DLC1: variants seen among roughly 807,000 people sequenced by gnomAD.
DLC1 encodes the protein DLC1 Rho GTPase activating protein.
A neutral mutation model predicts 140.3 loss-of-function variants in DLC1; 54 were observed. The observed-to-expected ratio is 0.38, with a 90% CI of 0.31 to 0.48. The LOEUF is 0.48. Among genes scored for constraint, DLC1 ranks in the 20% least tolerant of loss-of-function variants. The pLI is 0.96. For missense variants in DLC1, 2,536 were observed against 1,907.0 expected (o/e 1.33, Z -6.14); for synonymous variants, 986 against 728.1 (o/e 1.35, Z -5.70).
chr8:13,421,536 C>A (rs1163337975), intron 2 of DLC1, among the ~76,000 whole-genome samples: 3 of 152,120 alleles, frequency 2.0e-5, no homozygotes, highest in African/African-American at 4.8e-5. Context: ...AGGACATTTT[C>A]TGTTTAATGG....
At chr8:13,556,201 T>G (rs150029936) in intron 1 of DLC1, among the ~76,000 whole-genome samples, 4 of 152,162 alleles carry the variant, frequency 2.6e-5, no homozygotes, top group African/African-American at 9.7e-5. Flanking sequence ...TGCTTTATGA[T>G]GCAAATTCTG....
chr8:13,163,881 C>T (rs563346635), intron 5 of DLC1, among the ~76,000 whole-genome samples: 1 of 152,162 alleles, frequency 6.6e-6, no homozygotes, highest in South Asian at 2.1e-4. Context: ...GTGATGCATG[C>T]CCAGTCCGGG....
At chr8:13,371,247 G>A (rs997616310) in intron 4 of DLC1, among the ~76,000 whole-genome samples, 4 of 151,794 alleles carry the variant, frequency 2.6e-5, no homozygotes, top group East Asian at 1.9e-4. Flanking sequence ...CCTCAGTTTC[G>A]GCGTCATCAT....
chr8:13,501,434 A>G (rs1382561820), intron 1 of DLC1, among the ~76,000 whole-genome samples: 1 of 152,220 alleles, frequency 6.6e-6, no homozygotes, highest in Non-Finnish European at 1.5e-5. Context: ...CCATTCACAG[A>G]GCAGACACTT....
intron 5 of DLC1, among the ~76,000 whole-genome samples, chr8:13,274,766 T>C (rs901331020): frequency 2.1e-4 from 32 of 152,184 alleles, no homozygotes; most frequent in African/African-American, 7.7e-4. Flanking sequence ...AATTAAAACA[T>C]TAAACCACAA....
chr8:13,529,575 A>G (rs1236857816), intron 1 of DLC1, among the ~76,000 whole-genome samples: 1 of 152,180 alleles, frequency 6.6e-6, no homozygotes, highest in Non-Finnish European at 1.5e-5. Context: ...GTAAAGGAGA[A>G]TACTTAGAAA....
At chr8:13,541,860 A>G (rs992957252) in intron 1 of DLC1, among the ~76,000 whole-genome samples, 1 of 152,084 alleles carries the variant, frequency 6.6e-6, no homozygotes, top group South Asian at 2.1e-4. Context: ...ATTTATTTGA[A>G]GTTTATGTAT....
At chr8:13,582,699 T>TA (rs1423508596) in intron 1 of DLC1, among the ~76,000 whole-genome samples, 5 of 151,106 alleles carry the variant, frequency 3.3e-5, no homozygotes, top group Non-Finnish European at 7.4e-5. Flanking sequence ...TATATATATA[T>TA]TTTTTCCATT....
intron 1 of DLC1, among the ~76,000 whole-genome samples, chr8:13,542,341 T>G (rs1330866691): frequency 6.6e-6 from 1 of 152,234 alleles, no homozygotes; most frequent in Admixed American, 6.5e-5. Context: ...TGCATTTTGC[T>G]GACATTAAAT....
intron 1 of DLC1, among the ~76,000 whole-genome samples, chr8:13,562,032 A>G (rs906313450): frequency 6.6e-6 from 1 of 152,184 alleles, no homozygotes; most frequent in African/African-American, 2.4e-5. Flanking sequence ...GGTTGAAGGT[A>G]TGCCAAAAAA....
chr8:13,239,189 G>C (rs116769920), intron 5 of DLC1, among the ~76,000 whole-genome samples: 2,526 of 152,218 alleles, frequency 0.017, 76 homozygotes, highest in African/African-American at 0.058. Context: ...GCTCACTGTG[G>C]AGAATCAACA....
At chr8:13,219,588 C>T (rs1332038941) in intron 5 of DLC1, among the ~76,000 whole-genome samples, 2 of 151,528 alleles carry the variant, frequency 1.3e-5, no homozygotes, top group African/African-American at 4.8e-5. Flanking sequence ...CCTTCGTGCT[C>T]AGAAGCCCAC....
chr8:13,151,236 T>C (rs1823785901), intron 5 of DLC1, among the ~76,000 whole-genome samples: 1 of 152,214 alleles, frequency 6.6e-6, no homozygotes, highest in African/African-American at 2.4e-5. Context: ...CCTCACTCTG[T>C]CAATTTAATG....
chr8:13,560,430 C>A (rs78543035), intron 1 of DLC1, among the ~76,000 whole-genome samples: 8,150 of 150,942 alleles, frequency 0.054, 317 homozygotes, highest in Non-Finnish European at 0.081. Context: ...ACAAGGCCCC[C>A]ACAGATGTTC....
At chr8:13,327,875 AC>A (rs1477390204) in intron 4 of DLC1, among the ~76,000 whole-genome samples, 1 of 152,236 alleles carries the variant, frequency 6.6e-6, no homozygotes, top group Non-Finnish European at 1.5e-5. Flanking sequence ...AGAGAGGGTA[AC>A]TTCATTTAGC....
At chr8:13,141,039 G>C (rs1009861280) in intron 5 of DLC1, among the ~76,000 whole-genome samples, 2 of 145,574 alleles carry the variant, frequency 1.4e-5, no homozygotes, top group Non-Finnish European at 3.0e-5. Context: ...TGGATCACGT[G>C]GGGTCGGGAG....
intron 5 of DLC1, among the ~76,000 whole-genome samples, chr8:13,211,964 CT>C (rs1827969039): frequency 6.6e-6 from 1 of 152,098 alleles, no homozygotes. Context: ...CAAACTAAAG[CT>C]GGTCAACAAC....
chr8:13,552,108 G>GGT (rs1183212351), intron 1 of DLC1, among the ~76,000 whole-genome samples: 29 of 20,516 alleles, frequency 1.4e-3, no homozygotes, highest in Non-Finnish European at 1.9e-3. Flanking sequence ...CCTGTCTAGA[G>GGT]GTGTATATAT....
intron 5 of DLC1, among the ~76,000 whole-genome samples, chr8:13,281,474 T>C (rs568747049): frequency 6.6e-6 from 1 of 152,358 alleles, no homozygotes; most frequent in African/African-American, 2.4e-5. Context: ...TATATCTGTA[T>C]CTACGCATAT....
Sources: gnomAD v4.1 joint callset for allele counts (sites outside exome capture counted in the v4.1 genomes callset) on GRCh38, gnomAD v4.1.1 for gene constraint, MANE v1.5 for transcripts, NCBI Gene and HGNC (gene_info 2026-07-23, HGNC 2026-07-21) for gene names.